Variants in TYW1B observed in about 807,000 individuals in gnomAD.
TYW1B encodes the protein S-adenosyl-L-methionine-dependent tRNA 4-demethylwyosine synthase TYW1B.
TYW1B carries 73 observed loss-of-function variants against 86.9 expected under a neutral mutation model. The ratio of observed to expected loss-of-function variants is 0.84; its 90% confidence interval spans 0.70 to 1.02. The LOEUF is 1.02. Among genes scored for constraint, TYW1B ranks in the 50% least tolerant of loss-of-function variants. The pLI is 0.00. For missense variants in TYW1B, 637 were observed against 827.4 expected (o/e 0.77, Z 2.82); for synonymous variants, 248 against 292.8 (o/e 0.85, Z 1.56).
In TYW1B at chr7:72,817,204, G is replaced by A. The variant is rs142652055; in HGVS notation, c.136-1723C>T. Among the ~76,000 whole-genome samples, 1,018 of 152,236 alleles carry A rather than the reference G, an allele frequency of 6.7e-3. 7 individuals carry two copies. The highest frequency in any genetic ancestry group is 0.023 in the African/African-American group (962 of 41,546). On this transcript the variant is annotated intron_variant, in intron 2 of 13. Coordinates refer to ENST00000620995, the MANE Select transcript of TYW1B (RefSeq NM_001145440.3). Reference sequence around the variant, plus strand: ...AGATCACCTGAGGTCAGGAGTTCGAGACCGGCCTGACCAACATGGTGAAAC... The same window carrying A: ...AGATCACCTGAGGTCAGGAGTTCGAAACCGGCCTGACCAACATGGTGAAAC...
chr7:72,670,753 G>A (rs1255421237), intron 11 of TYW1B, among the ~76,000 whole-genome samples: 2 of 152,188 alleles, frequency 1.3e-5, no homozygotes, highest in African/African-American at 4.8e-5. Flanking sequence ...GGAATAAATG[G>A]AGTATGAAAG....
chr7:72,677,591 CTT>C (rs1813764285), intron 11 of TYW1B, among the ~76,000 whole-genome samples: 1 of 152,198 alleles, frequency 6.6e-6, no homozygotes, highest in South Asian at 2.1e-4. Context: ...CTACCTGTAT[CTT>C]TGACAGCTTC....
At chr7:72,617,184 T>C (rs1812097223) in intron 12 of TYW1B, among the ~76,000 whole-genome samples, 1 of 152,156 alleles carries the variant, frequency 6.6e-6, no homozygotes, top group Non-Finnish European at 1.5e-5. Flanking sequence ...AATTGAGGAA[T>C]TATGAAGGGG....
intron 13 of TYW1B, among the ~76,000 whole-genome samples, chr7:72,607,689 C>T (rs1811836203): frequency 6.6e-6 from 1 of 151,900 alleles, no homozygotes; most frequent in Non-Finnish European, 1.5e-5. Flanking sequence ...ACAAACAAAG[C>T]CTCAGATACC....
intron 13 of TYW1B, among the ~76,000 whole-genome samples, chr7:72,592,160 TAAAAAAAA>T (rs56146824): frequency 6.2e-4 from 64 of 103,372 alleles, no homozygotes; most frequent in Middle Eastern, 6.0e-3. Context: ...ACTAATGTGT[TAAAAAAAA>T]AAAAAAAAAA....
intron 10 of TYW1B, among the ~76,000 whole-genome samples, chr7:72,696,620 C>T (rs1554451538): frequency 1.3e-5 from 2 of 152,066 alleles, no homozygotes; most frequent in African/African-American, 4.8e-5. Context: ...GCCACACAGG[C>T]AGATATTAAA....
At chr7:72,727,862 G>A (rs115336417) in intron 9 of TYW1B, among the ~76,000 whole-genome samples, 148 of 150,120 alleles carry the variant, frequency 9.9e-4, no homozygotes, top group African/African-American at 2.7e-3. Context: ...ATACTCTTGC[G>A]CTTACTGACC....
intron 6 of TYW1B, among the ~76,000 whole-genome samples, chr7:72,792,844 G>C (rs1166685260): frequency 6.6e-6 from 1 of 152,138 alleles, no homozygotes; most frequent in South Asian, 2.1e-4. Flanking sequence ...GCAGTCTGTA[G>C]ACCAGGAGTA....
chr7:72,716,350 G>A lies in TYW1B; in HGVS notation c.1193-2552C>T, dbSNP rs147365087. Among the ~76,000 whole-genome samples the A allele has an allele frequency of 6.6e-3, 1,011 of 152,260 alleles. 8 individuals are homozygous for A. Among genetic ancestry groups the A allele is most frequent in the African/African-American group, 0.023 (946 of 41,562 alleles). On this transcript the variant is annotated intron_variant, in intron 9 of 13. Coordinates refer to ENST00000620995, the MANE Select transcript of TYW1B (RefSeq NM_001145440.3). ...ATGTAAAGGCCTTAGCGGAGTGTCT[G>A]GCACACAAGAAACGTTCATTAACAA... is the stretch of plus-strand genomic sequence containing the variant.
chr7:72,620,386 G>C (rs200315949), intron 12 of TYW1B, among the ~76,000 whole-genome samples: 3 of 152,190 alleles, frequency 2.0e-5, no homozygotes. Context: ...AACAGAGCAA[G>C]ACTCTGTCTC....
intron 9 of TYW1B, among the ~76,000 whole-genome samples, chr7:72,726,470 C>G (rs1554458754): frequency 6.6e-6 from 1 of 151,182 alleles, no homozygotes; most frequent in African/African-American, 2.4e-5. Flanking sequence ...TCAAGCGATT[C>G]TCCTGCCTCA....
rs1466407058 is a variant in TYW1B at position 72,816,593 on chromosome 7, TA to T, written c.136-1113del. Among the ~76,000 whole-genome samples, 12 of 152,252 alleles carry T rather than the reference TA, an allele frequency of 7.9e-5. No homozygotes were observed. The East Asian group carries it at 2.3e-3, about 29-fold the overall frequency. ...TGACTTACTGGGGTGAGGCCTCAGG[TA>T]GCTTCAGGACAGAGGCTCATTGCCA... On this transcript the variant is annotated intron_variant, in intron 2 of 13. Transcript: ENST00000620995.
rs1811196343 is a variant in TYW1B, at chr7:72,583,139, G to T, written c.1786-7420C>A. Among the ~76,000 whole-genome samples, 3 of 152,266 alleles carry T rather than the reference G, an allele frequency of 2.0e-5. No individual in the cohort carries two copies. The South Asian group carries it at 6.2e-4, about 32-fold the overall frequency. ...GCACTTTGGGAGGCCAAGGTGGGTG[G>T]ATCATTTGAGGTCAGGAGTTCAAGA... is the stretch of plus-strand genomic sequence containing the variant. On this transcript the variant is annotated intron_variant, in intron 13 of 13. Transcript: ENST00000620995.
At chr7:72,786,152 A>G (rs1788126336) in intron 6 of TYW1B, among the ~76,000 whole-genome samples, 1 of 152,162 alleles carries the variant, frequency 6.6e-6, no homozygotes, top group Non-Finnish European at 1.5e-5. Flanking sequence ...AAGAAAAAGA[A>G]AAGCCAAACA....
chr7:72,584,290 C>A (rs1554430084), intron 13 of TYW1B, among the ~76,000 whole-genome samples: 1 of 152,122 alleles, frequency 6.6e-6, no homozygotes, highest in East Asian at 1.9e-4. Flanking sequence ...TGCAATTCTC[C>A]CATTTCAGCC....
At chr7:72,605,933 A>C (rs1438672197) in intron 13 of TYW1B, among the ~76,000 whole-genome samples, 1 of 152,162 alleles carries the variant, frequency 6.6e-6, no homozygotes, top group African/African-American at 2.4e-5. Context: ...CCAACTCTAC[A>C]GTGGTATAAT....
At chr7:72,607,890 G>GC (rs1811842456) in intron 13 of TYW1B, among the ~76,000 whole-genome samples, 1 of 151,018 alleles carries the variant, frequency 6.6e-6, no homozygotes, top group Non-Finnish European at 1.5e-5. Context: ...AGAAATCCAG[G>GC]CCAAGGCAAC....
intron 11 of TYW1B, among the ~76,000 whole-genome samples, chr7:72,685,115 A>G (rs1238054079): frequency 2.0e-5 from 3 of 151,386 alleles, no homozygotes; most frequent in African/African-American, 7.3e-5. Flanking sequence ...CAATCTCGAA[A>G]AAAAAAAAAA....
rs180909930 is a variant in TYW1B, at chr7:72,595,773, G to A, written c.1786-20054C>T. 1.5e-4 allele frequency among the ~76,000 whole-genome samples: 23 copies of A among 152,158 alleles called. No homozygotes were observed. The East Asian group carries it at 4.2e-3, about 28-fold the overall frequency. ...ATACTTCAAATTAAATTTAACCAAAGAGATGGAAGACTTGTACAATGAAAA... is the reference window on the plus strand; with the variant it reads ...ATACTTCAAATTAAATTTAACCAAAAAGATGGAAGACTTGTACAATGAAAA... On this transcript the variant is annotated intron_variant, in intron 13 of 13. Transcript: ENST00000620995.
Sources: gnomAD v4.1 joint callset for allele counts (sites outside exome capture counted in the v4.1 genomes callset) on GRCh38, gnomAD v4.1.1 for gene constraint, MANE v1.5 for transcripts, NCBI Gene and HGNC (gene_info 2026-07-23, HGNC 2026-07-21) for gene names.